RAP1GAP2: variants seen among roughly 807,000 people sequenced by gnomAD.
The protein encoded by RAP1GAP2 is RAP1 GTPase activating protein 2.
Under a neutral mutation model 95.0 loss-of-function variants are expected in RAP1GAP2, and 27 were observed. The observed-to-expected ratio is 0.28, with a 90% CI of 0.21 to 0.39. The LOEUF (loss-of-function observed/expected upper bound fraction) is 0.39. Ranked by LOEUF, RAP1GAP2 falls within the 10% of genes least tolerant of loss-of-function variation. The pLI is 1.00. For synonymous variants in RAP1GAP2, 373 were observed against 380.9 expected, an observed-to-expected ratio of 0.98 and a Z score of 0.24; for missense variants, 771 against 970.0, an observed-to-expected ratio of 0.79 and a Z score of 2.72.
At chr17:2,793,899 GAGACT>G (rs975127063), upstream of RAP1GAP2, among the ~76,000 whole-genome samples, 2 of 151,926 alleles carry the variant, frequency 1.3e-5, no homozygotes, top group Admixed American at 1.3e-4. Flanking sequence ...TCAGGAGTTC[GAGACT>G]AGCCTGGCCA....
chr17:3,030,545 T>C (rs1341653414), intron 22 of RAP1GAP2, among the ~76,000 whole-genome samples: 1 of 152,198 alleles, frequency 6.6e-6, no homozygotes, highest in African/African-American at 2.4e-5. Flanking sequence ...GAAGAAGATA[T>C]ACTGTAGCCA....
In RAP1GAP2 at chr17:3,026,369, G is replaced by A; in HGVS notation, c.1885G>A (p.Glu629Lys). The A allele has an allele frequency of 1.3e-6, 2 of 1,551,140 alleles. No homozygotes were observed. The highest frequency in any genetic ancestry group is 1.7e-6 in the Non-Finnish European group (2 of 1,147,052). Residue 629 changes from glutamate (E) to lysine (K), a missense_variant, in exon 21 of 25, where the codon GAA becomes AAA. Physicochemically the swap from Glu to Lys is moderately conservative, Grantham distance 56. Coordinates refer to ENST00000254695, the MANE Select transcript of RAP1GAP2 (RefSeq NM_015085.5). ...NKEKPFMKLK[E>K]NGRAISRSSS... ...CTGCAGGCCCTTCATGAAGTTGAAG[G>A]AAAACGGCCGTGCCATCTCCCGCTC...
chr17:2,888,465 C>A (rs2073576006), intron 2 of RAP1GAP2, among the ~76,000 whole-genome samples: 1 of 152,140 alleles, frequency 6.6e-6, no homozygotes, highest in Non-Finnish European at 1.5e-5. Context: ...CTGCTTTCTA[C>A]TTCTGTGAGA....
intron 2 of RAP1GAP2, among the ~76,000 whole-genome samples, chr17:2,898,852 C>T (rs1383078620): frequency 4.8e-5 from 7 of 146,528 alleles, no homozygotes; most frequent in South Asian, 2.1e-4. Context: ...GTAGTCACAC[C>T]GTTTTACAGA....
chr17:2,817,965 T>C (rs988459442), intron 2 of RAP1GAP2, among the ~76,000 whole-genome samples: 1 of 150,992 alleles, frequency 6.6e-6, no homozygotes, highest in African/African-American at 2.4e-5. Flanking sequence ...GCCTCCCGAG[T>C]AGCTGGGACT....
chr17:2,943,104 C>T (rs1308110314), intron 3 of RAP1GAP2, among the ~76,000 whole-genome samples: 2 of 152,018 alleles, frequency 1.3e-5, no homozygotes, highest in East Asian at 1.9e-4. Context: ...CAAATAAAAC[C>T]CCTTTAAGCA....
In RAP1GAP2 at chr17:2,878,551, C is replaced by T. The variant is rs573991209; in HGVS notation, c.81-26733C>T. On this transcript the variant is annotated intron_variant, in intron 2 of 24. Transcript: ENST00000254695. Reference sequence around the variant, plus strand: ...TAGGTGGTCTAACCACCACCCCTTCCGATCATGGCTTAGGTGGTCTAACCA... The same window carrying T: ...TAGGTGGTCTAACCACCACCCCTTCTGATCATGGCTTAGGTGGTCTAACCA... 5.9e-5 allele frequency among the ~76,000 whole-genome samples: 9 copies of T among 152,246 alleles called. No homozygotes were observed. In the South Asian group the frequency reaches 1.0e-3, roughly 18 times the overall value.
upstream of RAP1GAP2, among the ~76,000 whole-genome samples, chr17:2,794,807 G>A (rs2069022485): frequency 6.6e-6 from 1 of 151,784 alleles, no homozygotes; most frequent in Admixed American, 6.6e-5. Context: ...TGCCAGAGAG[G>A]AAATTTCAGG....
chr17:2,852,495 C>G (rs887752639), intron 2 of RAP1GAP2, among the ~76,000 whole-genome samples: 1 of 152,294 alleles, frequency 6.6e-6, no homozygotes, highest in Admixed American at 6.5e-5. Context: ...AAGCCTCAGG[C>G]CCTCGAATTC....
In RAP1GAP2 at chr17:2,984,967, TTGCCACA is replaced by T; in HGVS notation, c.730-14_730-8del. ...TTAACAAATGTTGATTTTTTTTTTCTTGCCACATTTTCCAGGCCTCCCAAATGATTGT... is the reference window on the plus strand; with the variant it reads ...TTAACAAATGTTGATTTTTTTTTTCTTTTTCCAGGCCTCCCAAATGATTGT... On this transcript the variant is annotated splice_polypyrimidine_tract_variant and intron_variant, in intron 10 of 24. Transcript: ENST00000254695. 1 of 1,599,088 alleles carries T rather than the reference TTGCCACA, an allele frequency of 6.3e-7. No individual in the cohort carries two copies. Among genetic ancestry groups the T allele is most frequent in the Admixed American group, 1.8e-5 (1 of 56,742 alleles).
Position 2,916,355 on chromosome 17 carries a change from C to T in RAP1GAP2, c.165+10987C>T, listed in dbSNP as rs917245440. 5.3e-5 allele frequency among the ~76,000 whole-genome samples: 8 copies of T among 152,314 alleles called. No individual in the cohort carries two copies. In the East Asian group the frequency reaches 7.7e-4, roughly 15 times the overall value. ...TTTCCCAAGAGCTTAGACGTGGTCT[C>T]AGAATCCTGTTCAACAAAGCACCGT... On this transcript the variant is annotated intron_variant, in intron 3 of 24. Coordinates refer to ENST00000254695, the MANE Select transcript of RAP1GAP2 (RefSeq NM_015085.5).
At chr17:2,919,345 G>A (rs534248356) in intron 3 of RAP1GAP2, among the ~76,000 whole-genome samples, 12 of 152,264 alleles carry the variant, frequency 7.9e-5, no homozygotes, top group African/African-American at 2.2e-4. Flanking sequence ...CTGCAGGGTC[G>A]CCATCCTCAT....
intron 17 of RAP1GAP2, among the ~76,000 whole-genome samples, chr17:3,017,434 C>T (rs894290710): frequency 1.8e-4 from 28 of 152,094 alleles, no homozygotes; most frequent in African/African-American, 5.3e-4. Context: ...GTGGGAGGGG[C>T]GGCTCAGTGC....
At chr17:2,921,734 A>C (rs200512660) in intron 3 of RAP1GAP2, among the ~76,000 whole-genome samples, 61 of 48,430 alleles carry the variant, frequency 1.3e-3, no homozygotes, top group South Asian at 0.011. Flanking sequence ...TTAAGGTGTC[A>C]GCAGGACCGT....
Position 2,845,493 on chromosome 17 carries a change from TTCTG to T in RAP1GAP2, c.80+44950_80+44953del, listed in dbSNP as rs1386996177. Among the ~76,000 whole-genome samples, 3 of 152,348 alleles carry T rather than the reference TTCTG, an allele frequency of 2.0e-5. No homozygotes were observed. The East Asian group carries it at 5.8e-4, about 29-fold the overall frequency. ...CTTCTTCCATCCTGATATAGAACAT[TTCTG>T]TCTGTCCAGAAAAATCTCCCACATC... On this transcript the variant is annotated intron_variant, in intron 2 of 24. Coordinates refer to ENST00000254695, the MANE Select transcript of RAP1GAP2 (RefSeq NM_015085.5).
intron 2 of RAP1GAP2, among the ~76,000 whole-genome samples, chr17:2,876,908 G>C (rs1439158781): frequency 2.3e-5 from 2 of 88,004 alleles, no homozygotes; most frequent in South Asian, 7.0e-4. Context: ...TTTTTTTCTT[G>C]AGACGGAGTT....
At position 2,903,983 on chromosome 17, in the gene RAP1GAP2, A is replaced by T. The variant is rs2042107556; in HGVS notation, c.81-1301A>T. Among the ~76,000 whole-genome samples, 1 of 151,936 alleles carries T rather than the reference A, an allele frequency of 6.6e-6. No homozygotes were observed. Among genetic ancestry groups the T allele is most frequent in the Non-Finnish European group, 1.5e-5 (1 of 67,972 alleles). On this transcript the variant is annotated intron_variant, in intron 2 of 24. Transcript: ENST00000254695. The surrounding 1 kb of genome is among the most constrained non-coding windows in gnomAD (Gnocchi z 4.1). Reference sequence around the variant, plus strand: ...CGCTGGCAGGACTTGGGCTGGGAAGAGGGGCAGAAGGATTCTCTGGAGGTG... The same window carrying T: ...CGCTGGCAGGACTTGGGCTGGGAAGTGGGGCAGAAGGATTCTCTGGAGGTG...
chr17:2,971,931 A>T (rs966068488), intron 8 of RAP1GAP2, among the ~76,000 whole-genome samples: 4 of 152,254 alleles, frequency 2.6e-5, no homozygotes, highest in Admixed American at 6.5e-5. Flanking sequence ...CTAGTCGAAT[A>T]TAGATGAGAA....
chr17:2,853,943 C>CGGGGCT, intron 2 of RAP1GAP2: 3 of 982,212 alleles, frequency 3.1e-6, no homozygotes, highest in Non-Finnish European at 3.6e-6. Flanking sequence ...CGCGCGGAGC[C>CGGGGCT]GGGGCTGCGG....
Sources: allele counts gnomAD v4.1 joint callset (sites outside exome capture counted in the v4.1 genomes callset), GRCh38; gene constraint gnomAD v4.1.1; non-coding constraint Gnocchi (gnomAD v3.1); transcripts MANE v1.5; gene names NCBI Gene and HGNC (gene_info 2026-07-23, HGNC 2026-07-21).